Variants in PDE8B observed in about 807,000 individuals in gnomAD.
PDE8B encodes the protein phosphodiesterase 8B, also known as high affinity cAMP-specific and IBMX-insensitive 3',5'-cyclic phosphodiesterase 8B.
In PDE8B, 26 loss-of-function variants were observed where a neutral mutation model predicts 101.3. The ratio of observed to expected loss-of-function variants is 0.26; its 90% CI spans 0.19 to 0.36. The LOEUF is 0.36. Ranked by LOEUF, PDE8B falls within the 10% of genes least tolerant of loss-of-function variation. The pLI is 1.00. For synonymous variants in PDE8B, 424 were observed against 429.3 expected (o/e 0.99, Z 0.15); for missense variants, 810 against 1,163.1 (o/e 0.70, Z 4.42).
chr5:77,242,162 G>A (rs966949184), intron 1 of PDE8B, among the ~76,000 whole-genome samples: 2 of 152,218 alleles, frequency 1.3e-5, no homozygotes, highest in African/African-American at 4.8e-5. Context: ...GTAACAGGTA[G>A]ATTGGGAGGG....
At chr5:77,214,229 T>C (rs1236520568) in intron 1 of PDE8B, among the ~76,000 whole-genome samples, 1 of 152,212 alleles carries the variant, frequency 6.6e-6, no homozygotes, top group Non-Finnish European at 1.5e-5. Flanking sequence ...CTGTTCCTAC[T>C]TGGGAGCATC....
intron 10 of PDE8B, among the ~76,000 whole-genome samples, chr5:77,387,676 A>G (rs185017960): frequency 3.2e-4 from 49 of 152,266 alleles, no homozygotes; most frequent in Admixed American, 2.7e-3. Context: ...GTGTTTTCCA[A>G]CTTGGTTCCA....
At chr5:77,276,562 T>C (rs148340453) in intron 1 of PDE8B, among the ~76,000 whole-genome samples, 10 of 152,370 alleles carry the variant, frequency 6.6e-5, no homozygotes, top group African/African-American at 2.4e-4. Flanking sequence ...TTAGTTATTC[T>C]TTTCCTCATT....
At chr5:77,199,700 C>T in the PDE8B span, among the ~76,000 whole-genome samples, 23 of 152,170 alleles carry the variant, frequency 1.5e-4, no homozygotes, top group African/African-American at 5.3e-4. Flanking sequence ...CTAGCCAAGC[C>T]AGGTGGGTGT....
At chr5:77,425,724 T>G in intron 20 of PDE8B, 43 bp from the exon 21 acceptor site, 1 of 1,603,354 alleles carries the variant, frequency 6.2e-7, no homozygotes, top group African/African-American at 1.3e-5. Flanking sequence ...TGTGAAAGTG[T>G]CTCGCATGTC....
intron 1 of PDE8B, among the ~76,000 whole-genome samples, chr5:77,235,297 C>G (rs565025376): frequency 1.3e-5 from 2 of 152,192 alleles, no homozygotes; most frequent in Non-Finnish European, 2.9e-5. Context: ...CATATTTATT[C>G]ACCTTTAGTA....
intron 1 of PDE8B, among the ~76,000 whole-genome samples, chr5:77,240,220 C>G (rs572027216): frequency 6.6e-6 from 1 of 152,082 alleles, no homozygotes; most frequent in Non-Finnish European, 1.5e-5. Flanking sequence ...GTGGCGCGAT[C>G]CCGGCTCACT....
chr5:77,401,747 C>T (rs1329676853), intron 11 of PDE8B, among the ~76,000 whole-genome samples: 1 of 151,942 alleles, frequency 6.6e-6, no homozygotes, highest in Non-Finnish European at 1.5e-5. Context: ...CTTTCTCTGG[C>T]TTAAGTTTCT....
chr5:77,414,716 C>G (rs1311452103), intron 17 of PDE8B, among the ~76,000 whole-genome samples: 1 of 152,034 alleles, frequency 6.6e-6, no homozygotes, highest in Non-Finnish European at 1.5e-5. Context: ...AGGTGTGAGC[C>G]ACTGCGCCCG....
the PDE8B span, chr5:77,105,589 A>G: frequency 1.3e-5 from 2 of 152,230 alleles, no homozygotes; most frequent in East Asian, 1.9e-4. Flanking sequence ...GCATCTGTAT[A>G]TTAAAAAGCT....
intron 10 of PDE8B, among the ~76,000 whole-genome samples, chr5:77,378,667 G>A (rs72766980): frequency 0.046 from 6,972 of 152,074 alleles, 228 homozygotes; most frequent in African/African-American, 0.089. Context: ...CAATGCCGCC[G>A]GTACACTGAG....
At chr5:77,278,691 G>A (rs1764334893) in intron 1 of PDE8B, among the ~76,000 whole-genome samples, 2 of 152,018 alleles carry the variant, frequency 1.3e-5, no homozygotes, top group South Asian at 2.1e-4. Flanking sequence ...GGATGGTCTC[G>A]ATCTCCTGAC....
rs111315505 is a variant in PDE8B at position 77,417,386 on chromosome 5, C to T, written c.1912-843C>T. Among the ~76,000 whole-genome samples the T allele has an allele frequency of 8.5e-3, 1,290 of 152,312 alleles. 21 individuals carry two copies. Among genetic ancestry groups the T allele is most frequent in the African/African-American group, 0.029 (1,207 of 41,562 alleles). ...GTTTTTAAATGTATTTGTCTCTCTC[C>T]CTCTACATTACAAACTCCATTGTGC... On this transcript the variant is annotated intron_variant, in intron 17 of 21. Transcript: ENST00000264917.
intron 1 of PDE8B, among the ~76,000 whole-genome samples, chr5:77,213,189 G>C (rs575245181): frequency 6.6e-6 from 1 of 152,210 alleles, no homozygotes; most frequent in Non-Finnish European, 1.5e-5. Flanking sequence ...CTTGGCTTAA[G>C]TATTAAAAGG....
intron 2 of PDE8B, 65 bp from the exon 3 acceptor site, chr5:77,325,474 G>A: frequency 6.8e-7 from 1 of 1,475,624 alleles, no homozygotes. Context: ...TGGCCACTAG[G>A]CTTGTTTTTA....
intron 5 of PDE8B, among the ~76,000 whole-genome samples, chr5:77,332,458 G>T (rs879903813): frequency 3.3e-5 from 5 of 152,138 alleles, no homozygotes; most frequent in Admixed American, 3.3e-4. Flanking sequence ...TCAACTTGAA[G>T]ATTAAGATTG....
At chr5:77,158,301 T>C in the PDE8B span, among the ~76,000 whole-genome samples, 1 of 152,040 alleles carries the variant, frequency 6.6e-6, no homozygotes. Flanking sequence ...GTGATTCAAG[T>C]CAACAAATGA....
At position 77,287,376 on chromosome 5, in the gene PDE8B, C is replaced by T. The variant is rs866379185; in HGVS notation, c.340-24618C>T. ...CTGTTTTTCCTTGGCTATTTTTAAA[C>T]GTTTTTCACCTATATTTTGCTTTTA... is the stretch of plus-strand genomic sequence containing the variant. On this transcript the variant is annotated intron_variant, in intron 1 of 21. Transcript: ENST00000264917. Among the ~76,000 whole-genome samples the T allele has an allele frequency of 2.0e-4, 31 of 152,030 alleles. 1 individual carries two copies. The Middle Eastern group carries it at 0.014, about 67-fold the overall frequency.
intron 1 of PDE8B, among the ~76,000 whole-genome samples, chr5:77,230,862 A>C (rs2149484672): frequency 6.6e-6 from 1 of 152,360 alleles, no homozygotes; most frequent in East Asian, 1.9e-4. Context: ...GAAAAGCAAG[A>C]GACTTAGTCT....
Sources: allele counts gnomAD v4.1 joint callset (sites outside exome capture counted in the v4.1 genomes callset), GRCh38; gene constraint gnomAD v4.1.1; transcripts MANE v1.5; gene names NCBI Gene and HGNC (gene_info 2026-07-23, HGNC 2026-07-21).